CDC14B: variants seen among roughly 807,000 people sequenced by gnomAD.
CDC14B encodes the protein dual specificity protein phosphatase CDC14B.
Under a neutral mutation model 64.2 loss-of-function variants are expected in CDC14B, and 22 were observed. The ratio of observed to expected loss-of-function variants is 0.34; its 90% CI spans 0.24 to 0.49. The LOEUF is 0.49. Ranked by LOEUF, CDC14B falls within the 20% of genes least tolerant of loss-of-function variation. CDC14B has a pLI of 0.99. For missense variants in CDC14B, 498 were observed against 629.9 expected (o/e 0.79, Z 2.24); for synonymous variants, 191 against 215.8 (o/e 0.89, Z 1.01).
chr9:96,493,868 A>G (rs906363769), intron 13 of CDC14B, among the ~76,000 whole-genome samples: 6 of 152,130 alleles, frequency 3.9e-5, no homozygotes, highest in Non-Finnish European at 8.8e-5. Context: ...TTTTCCTCCA[A>G]AGCCTGGCCA....
chr9:96,521,848 C>G (rs1028036836), intron 12 of CDC14B, among the ~76,000 whole-genome samples: 2 of 152,188 alleles, frequency 1.3e-5, no homozygotes, highest in African/African-American at 4.8e-5. Flanking sequence ...TACTAAAGAA[C>G]AGCCTACAAA....
At chr9:96,548,123 C>A (rs1438054874) in intron 5 of CDC14B, among the ~76,000 whole-genome samples, 1 of 152,098 alleles carries the variant, frequency 6.6e-6, no homozygotes, top group Admixed American at 6.6e-5. Flanking sequence ...CAGCGCCCAG[C>A]CTATTGTTTC....
chr9:96,508,136 C>T (rs1395673275), intron 13 of CDC14B, among the ~76,000 whole-genome samples: 4 of 151,946 alleles, frequency 2.6e-5, no homozygotes, highest in Admixed American at 2.6e-4. Flanking sequence ...CTGCCTCAGC[C>T]TCCCGAGTAG....
intron 1 of CDC14B, among the ~76,000 whole-genome samples, chr9:96,599,505 A>G (rs1012277455): frequency 5.9e-5 from 9 of 152,208 alleles, no homozygotes; most frequent in African/African-American, 2.2e-4. Context: ...AGCACATGCT[A>G]TCTCTCAATT....
At chr9:96,610,589 T>C (rs970504421) in intron 1 of CDC14B, among the ~76,000 whole-genome samples, 4 of 150,988 alleles carry the variant, frequency 2.6e-5, no homozygotes, top group South Asian at 2.1e-4. Context: ...CCAAATTCAG[T>C]AAATAGGATA....
intron 1 of CDC14B, among the ~76,000 whole-genome samples, chr9:96,603,191 C>CACACAA (rs1190965928): frequency 6.6e-6 from 1 of 150,458 alleles, no homozygotes; most frequent in Non-Finnish European, 1.5e-5. Flanking sequence ...CACACACACA[C>CACACAA]AAATACACAA....
intron 1 of CDC14B, among the ~76,000 whole-genome samples, chr9:96,612,292 G>A (rs147840813): frequency 3.9e-5 from 6 of 152,304 alleles, no homozygotes; most frequent in South Asian, 2.1e-4. Context: ...GCAAGTACAC[G>A]GGAATGTTTG....
intron 12 of CDC14B, among the ~76,000 whole-genome samples, chr9:96,522,231 C>T (rs1052735786): frequency 3.9e-5 from 6 of 152,290 alleles, no homozygotes; most frequent in South Asian, 2.1e-4. Context: ...TCTGCTGTCG[C>T]GCTCCTGAGG....
intron 4 of CDC14B, among the ~76,000 whole-genome samples, chr9:96,559,689 T>C (rs1428893276): frequency 1.3e-5 from 2 of 152,208 alleles, no homozygotes; most frequent in African/African-American, 4.8e-5. Flanking sequence ...CAGCTATGGC[T>C]GCAAAGGCTT....
intron 9 of CDC14B, among the ~76,000 whole-genome samples, chr9:96,530,990 G>A (rs1263695461): frequency 6.6e-6 from 1 of 152,166 alleles, no homozygotes; most frequent in Non-Finnish European, 1.5e-5. Context: ...GTAATCATGG[G>A]ATAAATCCTA....
At chr9:96,609,036 A>T (rs1422214237) in intron 1 of CDC14B, among the ~76,000 whole-genome samples, 3 of 152,114 alleles carry the variant, frequency 2.0e-5, no homozygotes, top group Non-Finnish European at 4.4e-5. Context: ...GCAGTGGCAC[A>T]ATCTCTGCTC....
At chr9:96,497,854 T>C (rs556746270), downstream of CDC14B, among the ~76,000 whole-genome samples, 7 of 152,142 alleles carry the variant, frequency 4.6e-5, no homozygotes, top group East Asian at 7.7e-4. Context: ...TTAGCCCAAA[T>C]CTAAGCTAAG....
At chr9:96,612,455 C>T (rs1847382724) in intron 1 of CDC14B, among the ~76,000 whole-genome samples, 1 of 152,214 alleles carries the variant, frequency 6.6e-6, no homozygotes, top group Non-Finnish European at 1.5e-5. Context: ...GCATCCCCTT[C>T]ATTTCATTCT....
Position 96,515,569 on chromosome 9 carries a change from A to G in CDC14B, c.1344-5780T>C. 1 of 1,342,062 alleles carries G rather than the reference A, an allele frequency of 7.5e-7. No homozygotes were observed. The highest frequency in any genetic ancestry group is 9.9e-7 in the Non-Finnish European group (1 of 1,014,032). 83.1% of individuals were successfully genotyped at this position (1,342,062 alleles called of 1,614,324 possible). A position where few individuals can be genotyped will look rare whatever the true frequency, so the allele number is the denominator to read the frequency against. ...CAAACCAACAAAGCTAGGAGCTGAC[A>G]AGGAGAAAAACATGCATTGTGGGAA... On this transcript the variant is annotated intron_variant, in intron 12 of 13. Coordinates refer to ENST00000375241, the MANE Select transcript of CDC14B (RefSeq NM_033331.4). The surrounding 1 kb of genome is among the most constrained non-coding windows in gnomAD (Gnocchi z 4.3).
intron 1 of CDC14B, among the ~76,000 whole-genome samples, chr9:96,572,198 T>G (rs982528027): frequency 6.6e-6 from 1 of 152,212 alleles, no homozygotes; most frequent in Admixed American, 6.5e-5. Context: ...TGGCTGTTTA[T>G]CTGTATCCTT....
intron 9 of CDC14B, among the ~76,000 whole-genome samples, chr9:96,530,431 A>AT (rs755667991): frequency 0.034 from 4,347 of 129,504 alleles, 128 homozygotes; most frequent in African/African-American, 0.077. Flanking sequence ...CGCCCGGCTA[A>AT]TTTTTTTTTT....
At chr9:96,554,630 C>T (rs1161568561) in intron 4 of CDC14B, among the ~76,000 whole-genome samples, 1 of 152,072 alleles carries the variant, frequency 6.6e-6, no homozygotes, top group Non-Finnish European at 1.5e-5. Context: ...GGAATGCTGG[C>T]ACATAAATAA....
At chr9:96,606,011 T>C (rs1306961773) in intron 1 of CDC14B, among the ~76,000 whole-genome samples, 1 of 151,800 alleles carries the variant, frequency 6.6e-6, no homozygotes, top group Non-Finnish European at 1.5e-5. Context: ...CAAAACTTAA[T>C]ATTTATATTC....
chr9:96,585,953 A>G (rs577903587), intron 1 of CDC14B, among the ~76,000 whole-genome samples: 40 of 152,312 alleles, frequency 2.6e-4, no homozygotes, highest in African/African-American at 9.6e-4. Context: ...ACACAAAAGG[A>G]GACAGACACA....
Sources: gnomAD v4.1 joint callset for allele counts (sites outside exome capture counted in the v4.1 genomes callset) on GRCh38, gnomAD v4.1.1 for gene constraint, Gnocchi (gnomAD v3.1) non-coding constraint, MANE v1.5 for transcripts, NCBI Gene and HGNC (gene_info 2026-07-23, HGNC 2026-07-21) for gene names.